Variants in BLM observed in about 807,000 individuals in gnomAD.
BLM encodes the protein BLM RecQ like helicase, also known as recQ-like DNA helicase BLM.
BLM carries 95 observed loss-of-function variants against 135.3 expected under a neutral mutation model. The observed-to-expected ratio is 0.70, with a 90% CI of 0.59 to 0.83. BLM has a LOEUF of 0.83. BLM is among the 40% of genes least tolerant of loss of function. The probability of loss-of-function intolerance (pLI) is 0.00; values close to 1 mark genes in which losing one functional copy is unlikely to be tolerated. For missense variants in BLM, 1,518 were observed against 1,663.9 expected, an observed-to-expected ratio of 0.91 and a Z score of 1.53; for synonymous variants, 520 against 589.2, an observed-to-expected ratio of 0.88 and a Z score of 1.70.
intron 17 of BLM, among the ~76,000 whole-genome samples, chr15:90,803,257 CT>C (rs1192160697): frequency 6.6e-6 from 1 of 151,534 alleles, no homozygotes; most frequent in Non-Finnish European, 1.5e-5. Context: ...TAAACTCTTT[CT>C]TTGATTTATT....
intron 14 of BLM, among the ~76,000 whole-genome samples, chr15:90,788,619 A>G (rs955541212): frequency 6.6e-5 from 10 of 152,020 alleles, no homozygotes; most frequent in African/African-American, 2.2e-4. Context: ...TTTGCAGTAC[A>G]TTATAGGCAG....
chr15:90,755,190 A>G, intron 5 of BLM: 1 of 511,748 alleles, frequency 2.0e-6, no homozygotes, highest in South Asian at 2.4e-5. Flanking sequence ...CATCTCTCAT[A>G]CTGAGCCAAG....
At chr15:90,738,085 T>A (rs993537274) in intron 1 of BLM, among the ~76,000 whole-genome samples, 4 of 151,750 alleles carry the variant, frequency 2.6e-5, no homozygotes, top group African/African-American at 9.7e-5. Flanking sequence ...TCAAAACACA[T>A]AACCACCAAG....
intron 12 of BLM, among the ~76,000 whole-genome samples, chr15:90,779,812 T>G (rs1240146512): frequency 6.6e-6 from 1 of 152,214 alleles, no homozygotes; most frequent in Non-Finnish European, 1.5e-5. Context: ...TTCCTAGTTA[T>G]TCTTCACCCT....
At chr15:90,811,166 G>C in intron 20 of BLM, 39 bp from the exon 21 acceptor site, 1 of 1,606,016 alleles carries the variant, frequency 6.2e-7, no homozygotes, top group Non-Finnish European at 8.5e-7. Context: ...GTGGACCAGT[G>C]CGACATCACC....
At chr15:90,791,499 C>T (rs1464693035) in intron 15 of BLM, among the ~76,000 whole-genome samples, 2 of 152,136 alleles carry the variant, frequency 1.3e-5, no homozygotes, top group Middle Eastern at 3.4e-3. Context: ...CCTAGAATTC[C>T]GTAGTATGGT....
At chr15:90,772,205 G>A (rs1410749154) in intron 12 of BLM, among the ~76,000 whole-genome samples, 3 of 152,150 alleles carry the variant, frequency 2.0e-5, no homozygotes, top group African/African-American at 4.8e-5. Flanking sequence ...CTGCTATGTC[G>A]TGGCCCTGGC....
At chr15:90,790,988 T>A in intron 15 of BLM, 144 bp downstream of exon 15, 1 of 791,674 alleles carries the variant, frequency 1.3e-6, no homozygotes, top group African/African-American at 1.7e-5. Flanking sequence ...GGCAATTTTA[T>A]TTTAGTTCAT....
chr15:90,753,736 T>C (rs1895747380), intron 4 of BLM, among the ~76,000 whole-genome samples: 1 of 152,246 alleles, frequency 6.6e-6, no homozygotes, highest in Non-Finnish European at 1.5e-5. Context: ...AGACAGTATA[T>C]AACAGAGAAG....
chr15:90,738,468 G>A (rs1596207844), intron 1 of BLM, among the ~76,000 whole-genome samples: 1 of 152,016 alleles, frequency 6.6e-6, no homozygotes. Flanking sequence ...CAGCTACTCC[G>A]TAGGCTGAGG....
chr15:90,756,705 A>G (rs186368778), intron 5 of BLM, among the ~76,000 whole-genome samples: 3 of 152,338 alleles, frequency 2.0e-5, no homozygotes, highest in Admixed American at 2.0e-4. Flanking sequence ...AGCTAGTTAC[A>G]TATCTGTCTT....
At position 90,769,563 on chromosome 15, in the gene BLM, G is replaced by T. The variant is rs1596238939; in HGVS notation, c.2532G>T (p.Gln844His). ...NPRVQKDILTQLKILRPQVFS... is the reference protein window; with the variant it reads ...NPRVQKDILTHLKILRPQVFS... ...GGGTACAGAAGGACATCCTGACTCA[G>T]CTGAAGATTCTCAGACCTCAGGTGT... The change falls in exon 12 of 22, where the codon CAG becomes CAT. Residue 844 changes from glutamine to histidine, a missense_variant. Gln to His is a conservative substitution (Grantham distance 24). Transcript: ENST00000355112. 7 of 1,613,978 alleles carry T rather than the reference G, an allele frequency of 4.3e-6. No homozygotes were observed. The highest frequency in any genetic ancestry group is 5.9e-6 in the Non-Finnish European group (7 of 1,179,914).
intron 9 of BLM, among the ~76,000 whole-genome samples, chr15:90,766,574 C>T (rs572719486): frequency 6.6e-6 from 1 of 152,042 alleles, no homozygotes; most frequent in Non-Finnish European, 1.5e-5. Flanking sequence ...ATTACAGGCA[C>T]CTGCCACCAC....
chr15:90,743,183 T>C (rs1232744702), intron 1 of BLM, among the ~76,000 whole-genome samples: 1 of 152,040 alleles, frequency 6.6e-6, no homozygotes, highest in Non-Finnish European at 1.5e-5. Context: ...CTCCCTGTGT[T>C]GCCCAGGCTA....
chr15:90,755,015 T>A, intron 5 of BLM, 77 bp downstream of exon 5: 2 of 1,544,184 alleles, frequency 1.3e-6, no homozygotes, highest in Non-Finnish European at 1.8e-6. Flanking sequence ...AGATTGTGTT[T>A]TGAACCTGTG....
intron 8 of BLM, among the ~76,000 whole-genome samples, chr15:90,763,927 A>G (rs796741242): frequency 1.1e-4 from 17 of 152,348 alleles, no homozygotes; most frequent in African/African-American, 4.1e-4. Flanking sequence ...ACCTTTAGCA[A>G]GTTAGCTAGT....
chr15:90,768,392 C>T (rs755472249), intron 10 of BLM, among the ~76,000 whole-genome samples: 1 of 152,162 alleles, frequency 6.6e-6, no homozygotes, highest in East Asian at 1.9e-4. Flanking sequence ...TTTGACATGT[C>T]CCGGTCAAGA....
chr15:90,792,736 C>T (rs1055241717), intron 15 of BLM, among the ~76,000 whole-genome samples: 1 of 152,002 alleles, frequency 6.6e-6, no homozygotes, highest in African/African-American at 2.4e-5. Context: ...TCACAATAAC[C>T]CTCAGAGATA....
intron 12 of BLM, among the ~76,000 whole-genome samples, chr15:90,780,986 G>A (rs1896603766): frequency 1.3e-5 from 2 of 152,128 alleles, no homozygotes; most frequent in Admixed American, 1.3e-4. Context: ...ATCCCCCATG[G>A]GAAACCAAGG....
Sources: gnomAD v4.1 joint callset for allele counts (sites outside exome capture counted in the v4.1 genomes callset) on GRCh38, gnomAD v4.1.1 for gene constraint, MANE v1.5 for transcripts, NCBI Gene and HGNC (gene_info 2026-07-23, HGNC 2026-07-21) for gene names.